Variants in MASP1 observed in about 807,000 individuals in gnomAD.
MASP1 encodes the protein MBL associated serine protease 1.
In MASP1, 59 loss-of-function variants were observed where a neutral mutation model predicts 77.1. The ratio of observed to expected loss-of-function variants is 0.77; its 90% CI spans 0.62 to 0.95. MASP1 has a LOEUF of 0.95. Ranked by LOEUF, MASP1 falls within the 40% of genes least tolerant of loss-of-function variation. The pLI, the probability that MASP1 is intolerant of heterozygous loss-of-function variation, is 0.00. For synonymous variants in MASP1, 362 were observed against 354.5 expected (o/e 1.02, Z -0.24); for missense variants, 885 against 912.9 (o/e 0.97, Z 0.39).
intron 1 of MASP1, among the ~76,000 whole-genome samples, chr3:187,288,042 T>G (rs751759852): frequency 3.9e-5 from 6 of 152,222 alleles, no homozygotes; most frequent in Non-Finnish European, 8.8e-5. Context: ...ATTTCCATTT[T>G]TGTGCATATA....
At position 187,235,291 on chromosome 3, in the gene MASP1, T is replaced by C; in HGVS notation, c.*393A>G. 8.3e-6 allele frequency: 11 copies of C among 1,317,642 alleles called. No individual in the cohort carries two copies. The highest frequency in any genetic ancestry group is 1.1e-5 in the Non-Finnish European group (11 of 1,009,536). 81.6% of individuals were successfully genotyped at this position (1,317,642 alleles called of 1,614,324 possible). A position where few individuals can be genotyped will look rare whatever the true frequency, so the allele number is the denominator to read the frequency against. ...TAGAAACCATTTTCTAATAGTCAGG[T>C]CCAAGCTCAGTTATACCAACAGTAG... On this transcript the variant is annotated 3_prime_UTR_variant, in exon 11 of 11. Transcript: ENST00000296280.
chr3:187,250,222 C>T, intron 8 of MASP1, 29 bp downstream of exon 8: 1 of 1,592,566 alleles, frequency 6.3e-7, no homozygotes. Flanking sequence ...AGCTCAGTAT[C>T]TTTATAACAA....
chr3:187,287,117 G>C (rs1410284288), intron 1 of MASP1, among the ~76,000 whole-genome samples: 1 of 152,162 alleles, frequency 6.6e-6, no homozygotes, highest in Non-Finnish European at 1.5e-5. Flanking sequence ...GCAGTCTTCT[G>C]CCAAAGCTGA....
chr3:187,259,813 C>A (rs998074754), intron 4 of MASP1, among the ~76,000 whole-genome samples: 1 of 152,124 alleles, frequency 6.6e-6, no homozygotes. Flanking sequence ...CTTGTGCTCC[C>A]CCAGTGATCC....
intron 8 of MASP1, among the ~76,000 whole-genome samples, chr3:187,248,914 C>A (rs1714329466): frequency 6.6e-6 from 1 of 152,160 alleles, no homozygotes; most frequent in Non-Finnish European, 1.5e-5. Context: ...AGGGAATGTC[C>A]CCCTTGGGAC....
At chr3:187,230,062 G>A (rs570890374), downstream of MASP1, among the ~76,000 whole-genome samples, 1 of 152,318 alleles carries the variant, frequency 6.6e-6, no homozygotes, top group African/African-American at 2.4e-5. Flanking sequence ...TTTGGAGGCT[G>A]CACTTTCCTT....
chr3:187,232,361 ATAC>A (rs1712820095), downstream of MASP1, among the ~76,000 whole-genome samples: 1 of 151,756 alleles, frequency 6.6e-6, no homozygotes, highest in African/African-American at 2.4e-5. Context: ...CTATGCCATC[ATAC>A]TACCCATGTG....
At chr3:187,228,688 TG>T (rs1403154510) in intron 11 of MASP1, among the ~76,000 whole-genome samples, 1 of 152,146 alleles carries the variant, frequency 6.6e-6, no homozygotes, top group Non-Finnish European at 1.5e-5. Flanking sequence ...TTCTCTCCCT[TG>T]GTCCTCTCCC....
At chr3:187,240,262 G>A (rs943718471) in intron 10 of MASP1, among the ~76,000 whole-genome samples, 3 of 151,958 alleles carry the variant, frequency 2.0e-5, no homozygotes, top group South Asian at 2.1e-4. Context: ...ATACTGTAGG[G>A]TTACTGAAAT....
At chr3:187,220,246 C>T in exon 16 of MASP1, 2 of 1,614,168 alleles carry the variant, frequency 1.2e-6, no homozygotes, top group Non-Finnish European at 8.5e-7. Flanking sequence ...GTCACCCGCA[C>T]AGGCGTCCTT....
intron 1 of MASP1, among the ~76,000 whole-genome samples, chr3:187,287,014 T>C (rs1468678270): frequency 6.6e-6 from 1 of 152,180 alleles, no homozygotes; most frequent in African/African-American, 2.4e-5. Context: ...TGGAAATCCA[T>C]CTCTCCTCCT....
chr3:187,243,082 T>C (rs532181601), intron 9 of MASP1: 1 of 312,504 alleles, frequency 3.2e-6, no homozygotes, highest in African/African-American at 2.2e-5. Flanking sequence ...AATACTGGCC[T>C]TTTTTTGGAA....
intron 7 of MASP1, 44 bp from the exon 8 acceptor site, chr3:187,250,373 G>A (rs1314928959): frequency 2.1e-6 from 3 of 1,441,142 alleles, no homozygotes; most frequent in Non-Finnish European, 2.9e-6. Context: ...AGGAGGTGGG[G>A]GTGGTGTCAG....
intron 10 of MASP1, 36 bp from the exon 11 acceptor site, chr3:187,236,603 G>A (rs994067073): frequency 6.2e-7 from 1 of 1,613,168 alleles, no homozygotes; most frequent in Non-Finnish European, 8.5e-7. Context: ...ACAAGAGACA[G>A]AGACTGGTCA....
chr3:187,284,514 T>G (rs566987672), intron 2 of MASP1, among the ~76,000 whole-genome samples: 2 of 152,276 alleles, frequency 1.3e-5, no homozygotes, highest in East Asian at 3.9e-4. Flanking sequence ...TTTTGGAAAA[T>G]TTTTAGACGC....
intron 2 of MASP1, among the ~76,000 whole-genome samples, chr3:187,263,525 G>T (rs1387931410): frequency 1.3e-5 from 2 of 152,190 alleles, no homozygotes; most frequent in East Asian, 1.9e-4. Context: ...AATTATGGTT[G>T]ACCTTGAATG....
At chr3:187,248,628 G>A (rs1356326455) in intron 8 of MASP1, among the ~76,000 whole-genome samples, 3 of 152,198 alleles carry the variant, frequency 2.0e-5, no homozygotes, top group East Asian at 1.9e-4. Context: ...ACTGCACCTC[G>A]AGCCTCAGAT....
At chr3:187,228,047 A>T (rs1712537649) in intron 11 of MASP1, among the ~76,000 whole-genome samples, 1 of 152,230 alleles carries the variant, frequency 6.6e-6, no homozygotes, top group Non-Finnish European at 1.5e-5. Context: ...AGGGCATTCC[A>T]GCTTGGCCGA....
chr3:187,257,279 T>C (rs1278438578), intron 4 of MASP1, among the ~76,000 whole-genome samples: 1 of 152,200 alleles, frequency 6.6e-6, no homozygotes, highest in Non-Finnish European at 1.5e-5. Flanking sequence ...CACTCCTCAC[T>C]GTCTAACCCC....
Sources: gnomAD v4.1 joint callset for allele counts (sites outside exome capture counted in the v4.1 genomes callset) on GRCh38, gnomAD v4.1.1 for gene constraint, MANE v1.5 for transcripts, NCBI Gene and HGNC (gene_info 2026-07-23, HGNC 2026-07-21) for gene names.